The following CNTNAP2 variants were observed in gnomAD, a reference collection of about 807,000 sequenced individuals.
CNTNAP2 encodes the protein contactin-associated protein-like 2.
Under a neutral mutation model 155.2 loss-of-function variants are expected in CNTNAP2, and 98 were observed. That is an observed-to-expected ratio of 0.63 (90% CI 0.54 to 0.75). The LOEUF is 0.75. Among genes scored for constraint, CNTNAP2 ranks in the 30% least tolerant of loss-of-function variants. The probability of loss-of-function intolerance (pLI) is 0.00; values close to 1 mark genes in which losing one functional copy is unlikely to be tolerated. For missense variants in CNTNAP2, 1,727 were observed against 1,688.1 expected (o/e 1.02, Z -0.40); for synonymous variants, 651 against 631.2 (o/e 1.03, Z -0.47).
chr7:148,336,137 C>A (rs1433477975), intron 21 of CNTNAP2, among the ~76,000 whole-genome samples: 1 of 152,166 alleles, frequency 6.6e-6, no homozygotes, highest in Non-Finnish European at 1.5e-5. Context: ...AACATTTATG[C>A]TGGATTTGAA....
At chr7:147,767,956 A>G (rs760664517) in intron 13 of CNTNAP2, among the ~76,000 whole-genome samples, 1 of 152,080 alleles carries the variant, frequency 6.6e-6, no homozygotes, top group African/African-American at 2.4e-5. Context: ...ACAGAATGGA[A>G]TATCTAGGGT....
intron 13 of CNTNAP2, among the ~76,000 whole-genome samples, chr7:147,882,616 C>G (rs1314371431): frequency 6.6e-6 from 1 of 152,196 alleles, no homozygotes; most frequent in Non-Finnish European, 1.5e-5. Flanking sequence ...GCTTCCGAGT[C>G]TCTCTTTGTA....
intron 8 of CNTNAP2, among the ~76,000 whole-genome samples, chr7:147,160,014 T>C (rs1801997492): frequency 6.6e-6 from 1 of 151,992 alleles, no homozygotes; most frequent in Non-Finnish European, 1.5e-5. Flanking sequence ...GTTGAGAAAA[T>C]ATAATTGGTA....
chr7:146,845,896 C>T (rs1423992824), intron 3 of CNTNAP2, among the ~76,000 whole-genome samples: 1 of 152,118 alleles, frequency 6.6e-6, no homozygotes, highest in African/African-American at 2.4e-5. Flanking sequence ...GTCCAATGAG[C>T]CATTTAAGGG....
intron 3 of CNTNAP2, among the ~76,000 whole-genome samples, chr7:147,014,359 T>C (rs1017995275): frequency 1.3e-5 from 2 of 152,178 alleles, no homozygotes; most frequent in African/African-American, 4.8e-5. Flanking sequence ...CATTGGTTTG[T>C]TCTATGAGTG....
At chr7:148,353,235 G>T (rs1798458737) in intron 21 of CNTNAP2, among the ~76,000 whole-genome samples, 2 of 152,188 alleles carry the variant, frequency 1.3e-5, no homozygotes, top group African/African-American at 4.8e-5. Context: ...CCCTCAGAAT[G>T]CTGTGGATGG....
intron 15 of CNTNAP2, among the ~76,000 whole-genome samples, chr7:148,054,393 G>A (rs1385368545): frequency 6.7e-6 from 1 of 149,636 alleles, no homozygotes; most frequent in African/African-American, 2.5e-5. Flanking sequence ...TCACAAAATG[G>A]GACTAGACTA....
chr7:146,709,898 A>C (rs1232010435), intron 1 of CNTNAP2, among the ~76,000 whole-genome samples: 1 of 152,196 alleles, frequency 6.6e-6, no homozygotes, highest in Non-Finnish European at 1.5e-5. Flanking sequence ...TAGTTTTGGA[A>C]ACACAGGCTG....
intron 22 of CNTNAP2, among the ~76,000 whole-genome samples, chr7:148,400,073 T>C (rs968824263): frequency 1.3e-5 from 2 of 152,062 alleles, no homozygotes; most frequent in Non-Finnish European, 2.9e-5. Flanking sequence ...CCCTTAATGT[T>C]TGAAAGGTCT....
chr7:148,363,568 T>A (rs966438701), intron 21 of CNTNAP2, among the ~76,000 whole-genome samples: 1 of 152,206 alleles, frequency 6.6e-6, no homozygotes, highest in African/African-American at 2.4e-5. Context: ...CCTCTGTACG[T>A]GTGTTTCCTT....
At chr7:148,413,404 ATAT>A (rs1563079425) in intron 23 of CNTNAP2, among the ~76,000 whole-genome samples, 1,833 of 24,438 alleles carry the variant, frequency 0.075, 372 homozygotes, top group East Asian at 0.11. Context: ...AAAAAAAAAT[ATAT>A]ATATATATAT....
At chr7:148,247,663 A>ATTTATTTT (rs1372455577) in intron 20 of CNTNAP2, among the ~76,000 whole-genome samples, 12 of 105,264 alleles carry the variant, frequency 1.1e-4, no homozygotes, top group Non-Finnish European at 1.7e-4. Flanking sequence ...TTATTTATTT[A>ATTTATTTT]TTTTTTTGGA....
intron 8 of CNTNAP2, among the ~76,000 whole-genome samples, chr7:147,214,040 C>T (rs1322678305): frequency 1.3e-5 from 2 of 152,134 alleles, no homozygotes; most frequent in Non-Finnish European, 2.9e-5. Context: ...TGCCAATCTC[C>T]TCTGGAAGCA....
intron 1 of CNTNAP2, among the ~76,000 whole-genome samples, chr7:146,416,213 AT>A (rs1275730058): frequency 6.6e-6 from 1 of 151,332 alleles, no homozygotes; most frequent in Non-Finnish European, 1.5e-5. Flanking sequence ...AAATTTGTTA[AT>A]GTTATTGTAT....
At chr7:147,170,867 G>A (rs1023744444) in intron 8 of CNTNAP2, among the ~76,000 whole-genome samples, 2 of 152,238 alleles carry the variant, frequency 1.3e-5, no homozygotes, top group Middle Eastern at 3.4e-3. Context: ...GCGGGGCTGC[G>A]GGACAGATGT....
chr7:146,791,033 C>G (rs1229187349), intron 2 of CNTNAP2, among the ~76,000 whole-genome samples: 1 of 151,932 alleles, frequency 6.6e-6, no homozygotes, highest in African/African-American at 2.4e-5. Flanking sequence ...AACCCGTTAT[C>G]TACAATAGAT....
At chr7:146,307,009 G>T (rs2129089637) in intron 1 of CNTNAP2, among the ~76,000 whole-genome samples, 1 of 152,136 alleles carries the variant, frequency 6.6e-6, no homozygotes, top group East Asian at 1.9e-4. Context: ...AGAAATAAAG[G>T]GTATTCATTT....
chr7:148,140,421 CTTTT>C (rs750371666), intron 16 of CNTNAP2, among the ~76,000 whole-genome samples: 5 of 135,376 alleles, frequency 3.7e-5, no homozygotes, highest in Non-Finnish European at 1.6e-5. Flanking sequence ...TTTTCTTTTT[CTTTT>C]TTTTTTTTTT....
At chr7:147,488,580 A>G (rs1798551666) in intron 11 of CNTNAP2, among the ~76,000 whole-genome samples, 1 of 152,218 alleles carries the variant, frequency 6.6e-6, no homozygotes, top group Admixed American at 6.5e-5. Flanking sequence ...ACTAAGAGCT[A>G]AAGTTTAATA....
Sources: gnomAD v4.1 joint callset for allele counts (sites outside exome capture counted in the v4.1 genomes callset) on GRCh38, gnomAD v4.1.1 for gene constraint, MANE v1.5 for transcripts, NCBI Gene and HGNC (gene_info 2026-07-23, HGNC 2026-07-21) for gene names.